The following LRRC75A variants were observed in gnomAD, a reference collection of about 807,000 sequenced individuals.
LRRC75A encodes the protein leucine rich repeat containing 75A.
Under a neutral mutation model 26.0 loss-of-function variants are expected in LRRC75A, and 12 were observed. That is an observed-to-expected ratio of 0.46 (90% confidence interval 0.30 to 0.75). The LOEUF is 0.75. LRRC75A is among the 30% of genes least tolerant of loss of function. LRRC75A has a pLI of 0.08. For missense variants in LRRC75A, 410 were observed against 486.6 expected (o/e 0.84, Z 1.48); for synonymous variants, 223 against 219.3 (o/e 1.02, Z -0.15).
intron 1 of LRRC75A, among the ~76,000 whole-genome samples, chr17:16,472,163 G>A (rs2093808420): frequency 1.3e-5 from 2 of 152,126 alleles, no homozygotes; most frequent in African/African-American, 4.8e-5. Flanking sequence ...GCACTGCTGA[G>A]GCAGGATTTC....
At chr17:16,451,418 C>A (rs190697948) in intron 2 of LRRC75A, among the ~76,000 whole-genome samples, 3 of 152,096 alleles carry the variant, frequency 2.0e-5, no homozygotes, top group Admixed American at 2.0e-4. Flanking sequence ...GTCAGGAGTT[C>A]GAGATCAGCC....
chr17:16,460,068 AT>A (rs1346237255), intron 2 of LRRC75A, among the ~76,000 whole-genome samples: 2 of 152,060 alleles, frequency 1.3e-5, no homozygotes, highest in Non-Finnish European at 2.9e-5. Flanking sequence ...TTGGGAGGTG[AT>A]TAGGCCAGGG....
intron 2 of LRRC75A, among the ~76,000 whole-genome samples, chr17:16,450,912 G>C (rs780553511): frequency 6.6e-6 from 1 of 152,164 alleles, no homozygotes; most frequent in Non-Finnish European, 1.5e-5. Context: ...TTGGGCTTGG[G>C]ACATGAGTAG....
chr17:16,453,211 C>T (rs1350461265), intron 2 of LRRC75A, among the ~76,000 whole-genome samples: 4 of 152,024 alleles, frequency 2.6e-5, no homozygotes, highest in Non-Finnish European at 4.4e-5. Context: ...ATCGCTTGAA[C>T]CCGGGAGGTG....
At position 16,491,453 on chromosome 17, in the gene LRRC75A, C is replaced by G. The variant is rs1157686173; in HGVS notation, c.246+292G>C. ...TGCTTCCCCGCCCACCGACTGTCCCCGGAGACCAGCCTCCTTCTCTGCCTG... is the reference window on the plus strand; with the variant it reads ...TGCTTCCCCGCCCACCGACTGTCCCGGGAGACCAGCCTCCTTCTCTGCCTG... On this transcript the variant is annotated intron_variant, in intron 1 of 3. Transcript: ENST00000470794. The surrounding 1 kb of genome is among the most constrained non-coding windows in gnomAD (Gnocchi z 5.9). Among the ~76,000 whole-genome samples the G allele has an allele frequency of 6.6e-6, 1 of 152,212 alleles. No individual in the cohort carries two copies. Among genetic ancestry groups the G allele is most frequent in the Admixed American group, 6.5e-5 (1 of 15,290 alleles).
Position 16,442,933 on chromosome 17 carries a change from C to T in LRRC75A, c.*655G>A, listed in dbSNP as rs771967697. The T allele has an allele frequency of 4.6e-5, 7 of 152,336 alleles. No homozygotes were observed. Among genetic ancestry groups the T allele is most frequent in the Non-Finnish European group, 8.8e-5 (6 of 68,110 alleles). 9.4% of individuals were successfully genotyped at this position (152,336 alleles called of 1,614,324 possible). On this transcript the variant is annotated 3_prime_UTR_variant, in exon 4 of 4. Transcript: ENST00000470794. ...GGCACCATGTCTGTCCTGAGCACTA[C>T]CACATGGCATCGTAGGCTGCTCTGT...
At chr17:16,468,922 G>A (rs2093789587) in intron 1 of LRRC75A, among the ~76,000 whole-genome samples, 1 of 152,122 alleles carries the variant, frequency 6.6e-6, no homozygotes, top group South Asian at 2.1e-4. Context: ...GGATAGGAGG[G>A]GGCAGGGGAG....
At chr17:16,488,235 T>C (rs892644942) in intron 1 of LRRC75A, among the ~76,000 whole-genome samples, 2 of 152,344 alleles carry the variant, frequency 1.3e-5, no homozygotes, top group Non-Finnish European at 1.5e-5. Flanking sequence ...CCTGGAAGGA[T>C]GGCGGCCAGG....
intron 1 of LRRC75A, among the ~76,000 whole-genome samples, chr17:16,475,214 G>A (rs971523650): frequency 9.2e-5 from 14 of 152,106 alleles, no homozygotes; most frequent in African/African-American, 2.7e-4. Context: ...GGGATGGGGC[G>A]CTCCAGAGCC....
At chr17:16,456,759 A>T (rs2093688764) in intron 2 of LRRC75A, among the ~76,000 whole-genome samples, 1 of 152,198 alleles carries the variant, frequency 6.6e-6, no homozygotes, top group South Asian at 2.1e-4. Context: ...AGACACCTCG[A>T]TATCTGTAGA....
At position 16,462,346 on chromosome 17, in the gene LRRC75A, T is replaced by C. The variant is rs2093734219; in HGVS notation, c.287A>G (p.Tyr96Cys). The C allele has an allele frequency of 1.2e-6, 2 of 1,614,058 alleles. No homozygotes were observed. Among genetic ancestry groups the C allele is most frequent in the African/African-American group, 1.3e-5 (1 of 74,926 alleles). Residue 96 changes from tyrosine (Y) to cysteine (C), a missense_variant, in exon 2 of 4, where the codon TAT becomes TGT. Physicochemically the swap from Tyr to Cys is radical, Grantham distance 194. Transcript: ENST00000470794. The surrounding 1 kb of genome is among the most constrained non-coding windows in gnomAD (Gnocchi z 4.6). The part of the protein sequence containing the change: ...MESTSLDDVL[Y>C]RYASFRNLVD... ...CAGGTTCCGGAAGCTGGCGTAGCGA[T>C]ACAGAACGTCGTCTAGCGAGGTCGA...
intron 3 of LRRC75A, among the ~76,000 whole-genome samples, chr17:16,445,141 G>A (rs545480323): frequency 5.7e-5 from 8 of 140,466 alleles, no homozygotes; most frequent in African/African-American, 1.6e-4. Flanking sequence ...GAGCCAACAC[G>A]CCTGGCCATT....
At chr17:16,487,842 C>A (rs1478544162) in intron 1 of LRRC75A, among the ~76,000 whole-genome samples, 5 of 152,208 alleles carry the variant, frequency 3.3e-5, no homozygotes, top group African/African-American at 4.8e-5. Flanking sequence ...CAGGCCCTAG[C>A]CATACCACTG....
chr17:16,468,021 G>C (rs776217954), intron 1 of LRRC75A, among the ~76,000 whole-genome samples: 4 of 152,178 alleles, frequency 2.6e-5, no homozygotes, highest in Admixed American at 1.3e-4. Context: ...GGCCAATCCA[G>C]TTCTCAGATC....
chr17:16,455,215 G>A (rs1175130654), intron 2 of LRRC75A, among the ~76,000 whole-genome samples: 1 of 151,854 alleles, frequency 6.6e-6, no homozygotes, highest in Non-Finnish European at 1.5e-5. Flanking sequence ...TTACAGGTGT[G>A]AGCCACCGTG....
rs935138576 is a variant in LRRC75A at position 16,441,776 on chromosome 17, A to C, written c.*1812T>G. The C allele has an allele frequency of 9.7e-6, 2 of 207,116 alleles. No homozygotes were observed. Among genetic ancestry groups the C allele is most frequent in the Admixed American group, 5.3e-5 (1 of 18,782 alleles). 12.8% of individuals were successfully genotyped at this position (207,116 alleles called of 1,614,324 possible). ...TCTCTATGTTGCCCAGGCTGGTCTC[A>C]GGCTCCTGGGCTCAGATGGTCCTCC... On this transcript the variant is annotated 3_prime_UTR_variant, in exon 4 of 4. Transcript: ENST00000470794.
At chr17:16,448,176 T>G in intron 2 of LRRC75A, 2 of 556,362 alleles carry the variant, frequency 3.6e-6, no homozygotes, top group Non-Finnish European at 6.6e-6. Context: ...GTTGCTAGCA[T>G]TGAAAAACAG....
chr17:16,482,237 C>A (rs1259076407), intron 1 of LRRC75A, among the ~76,000 whole-genome samples: 1 of 152,174 alleles, frequency 6.6e-6, no homozygotes, highest in Non-Finnish European at 1.5e-5. Flanking sequence ...TCCCAGGCTG[C>A]AAGTGCTGGC....
intron 3 of LRRC75A, among the ~76,000 whole-genome samples, chr17:16,446,571 G>A (rs61645438): frequency 0.035 from 5,351 of 152,166 alleles, 318 homozygotes; most frequent in African/African-American, 0.12. Flanking sequence ...GAGACGAGGG[G>A]GCGAGGAGAG....
Sources: allele counts gnomAD v4.1 joint callset (sites outside exome capture counted in the v4.1 genomes callset), GRCh38; gene constraint gnomAD v4.1.1; non-coding constraint Gnocchi (gnomAD v3.1); transcripts MANE v1.5; gene names NCBI Gene and HGNC (gene_info 2026-07-23, HGNC 2026-07-21).